The following CERS6 variants were observed in gnomAD, a reference collection of about 807,000 sequenced individuals.
CERS6 encodes the protein LAG1 homolog, ceramide synthase 6.
Under a neutral mutation model 56.8 loss-of-function variants are expected in CERS6, and 26 were observed. The ratio of observed to expected loss-of-function variants is 0.46; its 90% CI spans 0.34 to 0.63. The LOEUF (loss-of-function observed/expected upper bound fraction) is 0.63. Ranked by LOEUF, CERS6 falls within the 30% of genes least tolerant of loss-of-function variation. The probability of loss-of-function intolerance (pLI) is 0.01; values close to 1 mark genes in which losing one functional copy is unlikely to be tolerated. For synonymous variants in CERS6, 164 were observed against 173.3 expected, an observed-to-expected ratio of 0.95 and a Z score of 0.42; for missense variants, 415 against 467.5, an observed-to-expected ratio of 0.89 and a Z score of 1.04.
At chr2:168,497,837 A>C (rs890212631) in intron 1 of CERS6, among the ~76,000 whole-genome samples, 3 of 152,254 alleles carry the variant, frequency 2.0e-5, no homozygotes, top group African/African-American at 7.2e-5. Flanking sequence ...GATGCAGAAA[A>C]ACCAGTTAGG....
intron 6 of CERS6, among the ~76,000 whole-genome samples, chr2:168,704,821 A>G (rs1686897451): frequency 6.6e-6 from 1 of 152,034 alleles, no homozygotes; most frequent in Admixed American, 6.6e-5. Context: ...GATGGTCTCG[A>G]TCTCCTGACC....
intron 8 of CERS6, among the ~76,000 whole-genome samples, chr2:168,745,795 C>T (rs1005305571): frequency 3.9e-5 from 6 of 152,256 alleles, no homozygotes; most frequent in African/African-American, 9.6e-5. Flanking sequence ...CAGAATGTGG[C>T]GCTTCAGGGA....
chr2:168,756,491 A>T (rs1187021202), intron 8 of CERS6, among the ~76,000 whole-genome samples: 6 of 152,226 alleles, frequency 3.9e-5, no homozygotes, highest in Non-Finnish European at 7.3e-5. Context: ...TTGGGATTTA[A>T]GGGTCAAGTG....
chr2:168,681,722 A>G (rs2105351036), intron 4 of CERS6, among the ~76,000 whole-genome samples: 1 of 152,266 alleles, frequency 6.6e-6, no homozygotes, highest in East Asian at 1.9e-4. Flanking sequence ...AGTACTGTAG[A>G]GTACTAGGAC....
At chr2:168,612,943 G>C (rs147881201) in intron 3 of CERS6, among the ~76,000 whole-genome samples, 35 of 152,312 alleles carry the variant, frequency 2.3e-4, no homozygotes, top group African/African-American at 8.4e-4. Context: ...TACAGGTCTG[G>C]CTGTGGCACT....
chr2:168,670,964 CTT>C (rs1397902590), intron 4 of CERS6, among the ~76,000 whole-genome samples: 2 of 40,850 alleles, frequency 4.9e-5, no homozygotes, highest in Admixed American at 2.3e-4. Flanking sequence ...TGGATACATG[CTT>C]CCCCCCCCCC....
chr2:168,467,815 G>A (rs1693907356), intron 1 of CERS6, among the ~76,000 whole-genome samples: 1 of 152,176 alleles, frequency 6.6e-6, no homozygotes, highest in Admixed American at 6.5e-5. Context: ...GTACCTGCTT[G>A]AGAAATACTG....
chr2:168,462,575 C>T (rs756637642), intron 1 of CERS6, among the ~76,000 whole-genome samples: 18 of 152,156 alleles, frequency 1.2e-4, no homozygotes, highest in South Asian at 4.1e-4. Flanking sequence ...GACAGGGCTT[C>T]ACTCCGTTGT....
chr2:168,660,455 C>T (rs1237462676), intron 4 of CERS6, among the ~76,000 whole-genome samples: 1 of 152,086 alleles, frequency 6.6e-6, no homozygotes, highest in Non-Finnish European at 1.5e-5. Context: ...AATGCTTTGT[C>T]ACAGTGATGC....
intron 4 of CERS6, among the ~76,000 whole-genome samples, chr2:168,667,335 TGTG>T (rs2105334890): frequency 1.3e-5 from 2 of 152,314 alleles, no homozygotes; most frequent in Non-Finnish European, 2.9e-5. Context: ...AAGTGGCCAT[TGTG>T]TTCTGGTGGC....
At chr2:168,503,154 T>A (rs1327935461) in intron 1 of CERS6, among the ~76,000 whole-genome samples, 1 of 152,148 alleles carries the variant, frequency 6.6e-6, no homozygotes, top group Admixed American at 6.5e-5. Context: ...TGCTTCTCTC[T>A]CTCGCCTGCC....
At chr2:168,684,549 A>G (rs1686298145) in intron 4 of CERS6, among the ~76,000 whole-genome samples, 1 of 152,340 alleles carries the variant, frequency 6.6e-6, no homozygotes, top group South Asian at 2.1e-4. Flanking sequence ...ATTTAAATTA[A>G]TAACACAGTT....
intron 6 of CERS6, among the ~76,000 whole-genome samples, chr2:168,712,171 G>A (rs983177178): frequency 6.6e-6 from 1 of 152,168 alleles, no homozygotes; most frequent in Non-Finnish European, 1.5e-5. Flanking sequence ...GACACCACTA[G>A]GGGCCTCCTC....
chr2:168,549,769 G>A (rs1695533268), intron 2 of CERS6, among the ~76,000 whole-genome samples: 1 of 152,198 alleles, frequency 6.6e-6, no homozygotes, highest in Admixed American at 6.5e-5. Context: ...TATAAATGCA[G>A]CAAAAGTTGG....
At chr2:168,594,088 T>A (rs1426499604) in intron 3 of CERS6, among the ~76,000 whole-genome samples, 1 of 152,252 alleles carries the variant, frequency 6.6e-6, no homozygotes, top group Non-Finnish European at 1.5e-5. Flanking sequence ...TATTCATGAT[T>A]ATTTCATTTC....
chr2:168,514,604 A>G (rs1184736752), intron 1 of CERS6, among the ~76,000 whole-genome samples: 1 of 152,226 alleles, frequency 6.6e-6, no homozygotes. Context: ...TGCTTGCCAA[A>G]TGTGCTCCTC....
chr2:168,531,537 A>C (rs1695166513), intron 1 of CERS6, among the ~76,000 whole-genome samples: 2 of 152,070 alleles, frequency 1.3e-5, no homozygotes, highest in Admixed American at 1.3e-4. Context: ...AAAGTCACTG[A>C]CTGTCCGGGT....
At chr2:168,609,719 G>T (rs1158470559) in intron 3 of CERS6, among the ~76,000 whole-genome samples, 1 of 152,096 alleles carries the variant, frequency 6.6e-6, no homozygotes, top group Non-Finnish European at 1.5e-5. Context: ...TAGCTCTCAG[G>T]AACTTTCTTT....
At chr2:168,457,657 A>T (rs1481836005) in intron 1 of CERS6, among the ~76,000 whole-genome samples, 2 of 152,018 alleles carry the variant, frequency 1.3e-5, no homozygotes, top group Admixed American at 6.6e-5. Flanking sequence ...TTTAGATTGC[A>T]TTTCTCGCTT....
Sources: gnomAD v4.1 joint callset for allele counts (sites outside exome capture counted in the v4.1 genomes callset) on GRCh38, gnomAD v4.1.1 for gene constraint, MANE v1.5 for transcripts, NCBI Gene and HGNC (gene_info 2026-07-23, HGNC 2026-07-21) for gene names.